The following DPY19L3 variants were observed in gnomAD, a reference collection of about 807,000 sequenced individuals.
DPY19L3 encodes dpy-19 like C-mannosyltransferase 3.
DPY19L3 carries 51 observed loss-of-function variants against 92.3 expected under a neutral mutation model. That is an observed-to-expected ratio of 0.55 (90% CI 0.44 to 0.70). The LOEUF is 0.70. DPY19L3 is among the 30% of genes least tolerant of loss of function. The probability of loss-of-function intolerance (pLI) is 0.00; values close to 1 mark genes in which losing one functional copy is unlikely to be tolerated. For synonymous variants in DPY19L3, 309 were observed against 315.2 expected, an observed-to-expected ratio of 0.98 and a Z score of 0.21; for missense variants, 706 against 855.9, an observed-to-expected ratio of 0.82 and a Z score of 2.18.
intron 3 of DPY19L3, chr19:32,412,028 C>T (rs1968201888): frequency 6.6e-6 from 1 of 152,206 alleles, no homozygotes; most frequent in Non-Finnish European, 1.5e-5. Context: ...AGGCATGCAC[C>T]ACCTCACCAA....
chr19:32,451,835 G>A (rs118175817), intron 8 of DPY19L3, among the ~76,000 whole-genome samples: 2,702 of 151,742 alleles, frequency 0.018, 36 homozygotes, highest in South Asian at 0.05. Flanking sequence ...CCCCACCCAC[G>A]CCTCCCCACT....
rs775554249 is a variant in DPY19L3 at position 32,458,366 on chromosome 19, T to A, written c.1179T>A (p.Asn393Lys). 1.2e-6 allele frequency: 2 copies of A among 1,611,490 alleles called. No homozygotes were observed. The highest frequency in any genetic ancestry group is 3.4e-5 in the Admixed American group (2 of 59,438). Residue 393 changes from asparagine to lysine, a missense_variant, in exon 12 of 19, where the codon AAT (asparagine) becomes AAA (lysine). Physicochemically the swap from Asn to Lys is moderately conservative, Grantham distance 94. Transcript: ENST00000392250. ...TGTTCCCTAGGGATTTTGATGCAAA[T>A]CTCTATCTGTGTGAAGAAGCTTTTG... is the stretch of plus-strand genomic sequence containing the variant. ...GLGATRDFDA[N>K]LYLCEEAFGL...
At chr19:32,472,988 T>C (rs1482516647) in intron 16 of DPY19L3, among the ~76,000 whole-genome samples, 1 of 152,240 alleles carries the variant, frequency 6.6e-6, no homozygotes, top group African/African-American at 2.4e-5. Flanking sequence ...ATTTAATGAA[T>C]CATTTTGTAG....
chr19:32,468,096 T>C, intron 15 of DPY19L3: 1 of 984,772 alleles, frequency 1.0e-6, no homozygotes, highest in Non-Finnish European at 1.2e-6. Flanking sequence ...AAAAGGGGGC[T>C]GGATTTGGAG....
At chr19:32,435,209 C>T (rs1044661532) in intron 4 of DPY19L3, among the ~76,000 whole-genome samples, 2 of 152,196 alleles carry the variant, frequency 1.3e-5, no homozygotes, top group Non-Finnish European at 2.9e-5. Context: ...TATAAGAACA[C>T]CAGTCCTATC....
intron 12 of DPY19L3, among the ~76,000 whole-genome samples, chr19:32,460,944 C>T (rs1319673594): frequency 6.6e-6 from 1 of 152,164 alleles, no homozygotes; most frequent in Non-Finnish European, 1.5e-5. Flanking sequence ...CGGCTCACTG[C>T]AACCTCTGCC....
chr19:32,406,697 T>C (rs1373776971), intron 1 of DPY19L3, among the ~76,000 whole-genome samples: 1 of 152,220 alleles, frequency 6.6e-6, no homozygotes, highest in Non-Finnish European at 1.5e-5. Flanking sequence ...CCCTTTTCAG[T>C]TGTTTACAAT....
chr19:32,421,628 A>T (rs1402284507), intron 3 of DPY19L3, among the ~76,000 whole-genome samples: 3 of 66,348 alleles, frequency 4.5e-5, no homozygotes, highest in African/African-American at 1.3e-4. Context: ...ACTTCATCTC[A>T]AAAAAAAAAA....
intron 3 of DPY19L3, among the ~76,000 whole-genome samples, chr19:32,428,771 A>G (rs1201082361): frequency 6.6e-6 from 1 of 150,918 alleles, no homozygotes; most frequent in Non-Finnish European, 1.5e-5. Context: ...GTGTGTGTAC[A>G]TCTATTAAAT....
chr19:32,444,742 G>A (rs977806751), intron 8 of DPY19L3, among the ~76,000 whole-genome samples: 2 of 151,656 alleles, frequency 1.3e-5, no homozygotes, highest in Non-Finnish European at 2.9e-5. Context: ...GAAAAATACT[G>A]TACCTATAGG....
intron 3 of DPY19L3, among the ~76,000 whole-genome samples, chr19:32,432,053 A>G (rs966816834): frequency 1.3e-5 from 2 of 152,330 alleles, no homozygotes; most frequent in African/African-American, 2.4e-5. Context: ...ATCATCTAAC[A>G]GTATTAATTG....
intron 17 of DPY19L3, among the ~76,000 whole-genome samples, chr19:32,479,444 C>T (rs745697710): frequency 5.3e-5 from 8 of 151,156 alleles, no homozygotes; most frequent in South Asian, 2.1e-4. Flanking sequence ...CAAGGCCCTA[C>T]GGCTCTTCAT....
At chr19:32,439,457 C>T (rs1969255055) in intron 7 of DPY19L3, among the ~76,000 whole-genome samples, 2 of 152,138 alleles carry the variant, frequency 1.3e-5, no homozygotes, top group African/African-American at 2.4e-5. Flanking sequence ...ACATAATCTA[C>T]CCTTAAATAG....
intron 16 of DPY19L3, among the ~76,000 whole-genome samples, chr19:32,475,530 A>G (rs1161826558): frequency 6.6e-6 from 1 of 152,252 alleles, no homozygotes; most frequent in Non-Finnish European, 1.5e-5. Flanking sequence ...TTCAAAGGAA[A>G]GAAGCCTGGC....
intron 8 of DPY19L3, among the ~76,000 whole-genome samples, chr19:32,443,630 A>G (rs1439583320): frequency 1.3e-5 from 2 of 152,184 alleles, no homozygotes; most frequent in East Asian, 3.9e-4. Context: ...TTTGTTGTTT[A>G]TAAGCTACCC....
rs1432314864 is a variant in DPY19L3, at chr19:32,485,561, G to T, written c.*3321G>T. ...GATTTTGTCTAAGATGTAAAAATTT[G>T]AGTTCATCTTTGGCCAAAACCTACC... On this transcript the variant is annotated 3_prime_UTR_variant, in exon 19 of 19. Transcript: ENST00000392250. 1 of 152,160 alleles carries T rather than the reference G, an allele frequency of 6.6e-6. No individual in the cohort carries two copies. Among genetic ancestry groups the T allele is most frequent in the East Asian group, 1.9e-4 (1 of 5,198 alleles). The allele number at this position is 152,160 out of a possible 1,614,324, so 9.4% of individuals were successfully genotyped here.
chr19:32,482,359 A>G lies in DPY19L3; in HGVS notation c.*119A>G. 1 of 1,164,388 alleles carries G rather than the reference A, an allele frequency of 8.6e-7. No individual in the cohort carries two copies. Among genetic ancestry groups the G allele is most frequent in the South Asian group, 1.5e-5 (1 of 65,552 alleles). 72.1% of individuals were successfully genotyped at this position (1,164,388 alleles called of 1,614,324 possible). On this transcript the variant is annotated 3_prime_UTR_variant, in exon 19 of 19. Coordinates refer to ENST00000392250, the MANE Select transcript of DPY19L3 (RefSeq NM_001172774.2). ...AAACCTTCAAGCTGTGATATGAGTA[A>G]GTTCTACAGATGTTTACACAAGTGT...
intron 11 of DPY19L3, 32 bp downstream of exon 11, chr19:32,458,205 T>C: frequency 6.2e-7 from 1 of 1,600,612 alleles, no homozygotes; most frequent in Non-Finnish European, 8.5e-7. Context: ...ATGTTTGCTA[T>C]TTTCTATTGA....
intron 3 of DPY19L3, among the ~76,000 whole-genome samples, chr19:32,431,646 A>G (rs1968972388): frequency 6.6e-6 from 1 of 152,166 alleles, no homozygotes; most frequent in Non-Finnish European, 1.5e-5. Context: ...TAAAGATGAA[A>G]TTCATTTATG....
Sources: allele counts gnomAD v4.1 joint callset (sites outside exome capture counted in the v4.1 genomes callset), GRCh38; gene constraint gnomAD v4.1.1; transcripts MANE v1.5; gene names NCBI Gene and HGNC (gene_info 2026-07-23, HGNC 2026-07-21).